The following SLC35B4 variants were observed in gnomAD, a reference collection of about 807,000 sequenced individuals.
SLC35B4 encodes solute carrier family 35 member B4.
In SLC35B4, 28 loss-of-function variants were observed where a neutral mutation model predicts 39.5. The observed-to-expected ratio is 0.71, with a 90% CI of 0.53 to 0.97. The LOEUF is 0.97. Ranked by LOEUF, SLC35B4 falls within the 50% of genes least tolerant of loss-of-function variation. The pLI, the probability that SLC35B4 is intolerant of heterozygous loss-of-function variation, is 0.00. For synonymous variants in SLC35B4, 145 were observed against 150.4 expected (o/e 0.96, Z 0.26); for missense variants, 334 against 414.3 (o/e 0.81, Z 1.68).
intron 4 of SLC35B4, 112 bp downstream of exon 4, chr7:134,304,693 G>T: frequency 1.3e-6 from 1 of 779,652 alleles, no homozygotes; most frequent in Non-Finnish European, 2.1e-6. Context: ...AGAGGTAGAT[G>T]GCCAGAAGCA....
At chr7:134,300,054 T>C (rs1207391390) in intron 7 of SLC35B4, 98 bp downstream of exon 7, 1 of 881,418 alleles carries the variant, frequency 1.1e-6, no homozygotes, top group Non-Finnish European at 1.7e-6. Context: ...CTACCAATAA[T>C]ACACCTTCAA....
intron 9 of SLC35B4, 110 bp downstream of exon 9, chr7:134,296,281 C>T: frequency 1.0e-6 from 1 of 969,070 alleles, no homozygotes; most frequent in South Asian, 1.5e-5. Context: ...AGAATAAATC[C>T]AGCGAAAATC....
At chr7:134,317,906 T>G (rs1019798240), upstream of SLC35B4, among the ~76,000 whole-genome samples, 4 of 152,062 alleles carry the variant, frequency 2.6e-5, no homozygotes, top group Admixed American at 2.0e-4. Flanking sequence ...TCCCAGTGTC[T>G]ACTATAAAAG....
At position 134,290,754 on chromosome 7, in the gene SLC35B4, T is replaced by G. The variant is rs1803314668; in HGVS notation, c.*4079A>C. ...TAAGAGTGAACTGCTACAGGTAAGATTCAATCACATTTTTCAGGAGAAAGC... is the reference window on the plus strand; with the variant it reads ...TAAGAGTGAACTGCTACAGGTAAGAGTCAATCACATTTTTCAGGAGAAAGC... On this transcript the variant is annotated 3_prime_UTR_variant, in exon 10 of 10. Transcript: ENST00000378509. The G allele has an allele frequency of 6.6e-6, 1 of 152,204 alleles. No homozygotes were observed. The highest frequency in any genetic ancestry group is 1.5e-5 in the Non-Finnish European group (1 of 68,028). 9.4% of individuals were successfully genotyped at this position (152,204 alleles called of 1,614,324 possible). A position where few individuals can be genotyped will look rare whatever the true frequency, so the allele number is the denominator to read the frequency against.
At position 134,309,440 on chromosome 7, in the gene SLC35B4, T is replaced by C. The variant is rs148331749; in HGVS notation, c.117A>G (p.Gln39=). The change falls in exon 2 of 10, where the codon CAA becomes CAG. Residue 39 remains glutamine, a synonymous_variant. Transcript: ENST00000378509. ...PGCGNIVTFA[Q]FLFIAVEGFL... ...AGCCTTCCACAGCAATAAATAAAAA[T>C]TGTGCAAATGTCACAATGTTCCCAC... 8.3e-4 allele frequency: 1,340 copies of C among 1,611,482 alleles called. No homozygotes were observed. Among genetic ancestry groups the C allele is most frequent in the Non-Finnish European group, 9.7e-4 (1,142 of 1,179,700 alleles).
Position 134,299,541 on chromosome 7 carries a change from C to T in SLC35B4, c.655G>A (p.Val219Ile). Residue 219 changes from valine (V) to isoleucine (I), a missense_variant, in exon 8 of 10, where the codon GTT becomes ATT. Transcript: ENST00000378509. ...AACTCACCAGACTTATTGAATAGAA[C>T]TGCATGGTCATAAATATCAGAAGCC... ...FLASDIYDHA[V>I]LFNKSELYEI... 6.2e-7 allele frequency: 1 copy of T among 1,613,854 alleles called. No individual in the cohort carries two copies. The highest frequency in any genetic ancestry group is 8.5e-7 in the Non-Finnish European group (1 of 1,179,816).
chr7:134,319,582 C>T (rs1325298450), upstream of SLC35B4, among the ~76,000 whole-genome samples: 1 of 152,160 alleles, frequency 6.6e-6, no homozygotes, highest in Non-Finnish European at 1.5e-5. Context: ...TCCACCACTG[C>T]CATATGGAAT....
At chr7:134,302,350 C>T (rs1424499589) in intron 4 of SLC35B4, among the ~76,000 whole-genome samples, 2 of 152,152 alleles carry the variant, frequency 1.3e-5, no homozygotes, top group African/African-American at 2.4e-5. Flanking sequence ...GCTGACCAAT[C>T]GATTATTTCA....
At position 134,291,034 on chromosome 7, in the gene SLC35B4, C is replaced by A. The variant is rs1445751732; in HGVS notation, c.*3799G>T. ...ACTTCCCCTCTCCATAGGTATCTGG[C>A]ACTGTTGAGTGAAGCCAGTTAATGG... is the stretch of plus-strand genomic sequence containing the variant. On this transcript the variant is annotated 3_prime_UTR_variant, in exon 10 of 10. Coordinates refer to ENST00000378509, the MANE Select transcript of SLC35B4 (RefSeq NM_032826.5). 1 of 152,178 alleles carries A rather than the reference C, an allele frequency of 6.6e-6. No individual in the cohort carries two copies. The highest frequency in any genetic ancestry group is 2.4e-5 in the African/African-American group (1 of 41,432). The allele number at this position is 152,178 out of a possible 1,614,324, so 9.4% of individuals were successfully genotyped here.
chr7:134,302,923 G>C (rs1803617646), intron 4 of SLC35B4, among the ~76,000 whole-genome samples: 1 of 152,208 alleles, frequency 6.6e-6, no homozygotes, highest in Admixed American at 6.5e-5. Flanking sequence ...CTAGAGAGCG[G>C]TTGGGGAGGA....
rs775073817 is a variant in SLC35B4, at chr7:134,295,055, A to C, written c.774T>G (p.Phe258Leu). The C allele has an allele frequency of 1.2e-6, 2 of 1,614,008 alleles. No individual in the cohort carries two copies. The highest frequency in any genetic ancestry group is 1.7e-6 in the Non-Finnish European group (2 of 1,180,022). ...ITQYVCIRGV[F>L]ILTTECASLT... ...GGGAGGCGCATTCTGTGGTGAGGAT[A>C]AACACACCCCGGATGCACACGTACC... Residue 258 changes from phenylalanine to leucine, a missense_variant, in exon 10 of 10, where the codon TTT becomes TTG. Transcript: ENST00000378509.
chr7:134,303,191 G>A (rs1397410896), intron 4 of SLC35B4, among the ~76,000 whole-genome samples: 1 of 152,152 alleles, frequency 6.6e-6, no homozygotes, highest in Non-Finnish European at 1.5e-5. Context: ...CAATGGGAAA[G>A]AGATACACAC....
intron 5 of SLC35B4, 37 bp from the exon 6 acceptor site, chr7:134,301,858 G>C (rs1238824052): frequency 6.3e-7 from 1 of 1,591,518 alleles, no homozygotes; most frequent in Admixed American, 1.7e-5. Flanking sequence ...ACAGAGAGCA[G>C]AACTACGTGC....
chr7:134,300,022 A>C (rs1006879423), intron 7 of SLC35B4, 130 bp downstream of exon 7: 1 of 637,922 alleles, frequency 1.6e-6, no homozygotes, highest in South Asian at 2.3e-5. Context: ...AAACTGCTTC[A>C]GTCTGTGGGT....
chr7:134,302,779 G>C (rs1339361311), intron 4 of SLC35B4, among the ~76,000 whole-genome samples: 1 of 152,078 alleles, frequency 6.6e-6, no homozygotes, highest in East Asian at 1.9e-4. Context: ...AGGATTAAAA[G>C]AAATTAAGAA....
intron 1 of SLC35B4, among the ~76,000 whole-genome samples, chr7:134,315,642 C>CAAAAAAAAAAAAAAAA (rs376704817): frequency 1.0e-5 from 1 of 100,006 alleles, no homozygotes; most frequent in Non-Finnish European, 2.2e-5. Flanking sequence ...CTCCCAAATC[C>CAAAAAAAAAAAAAAAA]AAAAAAAAAA....
Position 134,302,022 on chromosome 7 carries a change from T to G in SLC35B4, c.426+7A>C, listed in dbSNP as rs373229865. ...AGTGAACATAAAATAATTTGTGAGCTTCTTACCACCTGCTTTGCTGACATA... is the reference window on the plus strand; with the variant it reads ...AGTGAACATAAAATAATTTGTGAGCGTCTTACCACCTGCTTTGCTGACATA... On this transcript the variant is annotated splice_region_variant and intron_variant, in intron 5 of 9. Transcript: ENST00000378509. The G allele has an allele frequency of 6.2e-7, 1 of 1,612,774 alleles. No individual in the cohort carries two copies. The highest frequency in any genetic ancestry group is 8.5e-7 in the Non-Finnish European group (1 of 1,179,634).
At position 134,316,809 on chromosome 7, in the gene SLC35B4, C is replaced by T; in HGVS notation, c.-58G>A. 2 of 1,509,768 alleles carry T rather than the reference C, an allele frequency of 1.3e-6. No individual in the cohort carries two copies. The highest frequency in any genetic ancestry group is 1.8e-6 in the Non-Finnish European group (2 of 1,117,168). The allele number at this position is 1,509,768 out of a possible 1,614,324, so 93.5% of individuals were successfully genotyped here. A position where few individuals can be genotyped will look rare whatever the true frequency, so the allele number is the denominator to read the frequency against. On this transcript the variant is annotated 5_prime_UTR_variant, in exon 1 of 10. Coordinates refer to ENST00000378509, the MANE Select transcript of SLC35B4 (RefSeq NM_032826.5). Reference sequence around the variant, plus strand: ...GAGTAAGCGCCCGCCTGTACCGCTACCCCAGGAAGCCGGCCTCCTGCCTCT... The same window carrying T: ...GAGTAAGCGCCCGCCTGTACCGCTATCCCAGGAAGCCGGCCTCCTGCCTCT...
At chr7:134,319,241 T>C (rs1318979816), upstream of SLC35B4, among the ~76,000 whole-genome samples, 1 of 152,228 alleles carries the variant, frequency 6.6e-6, no homozygotes, top group Non-Finnish European at 1.5e-5. Context: ...CTTCTTAAAC[T>C]ACTCTGATCA....
Sources: gnomAD v4.1 joint callset for allele counts (sites outside exome capture counted in the v4.1 genomes callset) on GRCh38, gnomAD v4.1.1 for gene constraint, MANE v1.5 for transcripts, NCBI Gene and HGNC (gene_info 2026-07-23, HGNC 2026-07-21) for gene names.